STRN3: variants seen among roughly 807,000 people sequenced by gnomAD.
The protein encoded by STRN3 is striatin 3.
A neutral mutation model predicts 95.6 loss-of-function variants in STRN3; 29 were observed. The observed-to-expected ratio is 0.30, with a 90% CI of 0.23 to 0.41. The LOEUF (loss-of-function observed/expected upper bound fraction) is 0.41. STRN3 is among the 10% of genes least tolerant of loss of function. STRN3 has a pLI of 1.00. For synonymous variants in STRN3, 331 were observed against 357.6 expected (o/e 0.93, Z 0.84); for missense variants, 890 against 972.1 (o/e 0.92, Z 1.12).
chr14:30,991,294 C>A (rs1881942035), intron 1 of STRN3, among the ~76,000 whole-genome samples: 1 of 152,088 alleles, frequency 6.6e-6, no homozygotes, highest in Admixed American at 6.5e-5. Flanking sequence ...TTCCTTCAAC[C>A]TATGAGAAAC....
chr14:30,919,225 T>A, intron 8 of STRN3, 119 bp from the exon 9 acceptor site: 1 of 1,101,976 alleles, frequency 9.1e-7, no homozygotes, highest in Non-Finnish European at 1.2e-6. Flanking sequence ...TATTAAAATA[T>A]CAGAAAATTA....
At chr14:30,978,345 C>T (rs779191631) in intron 1 of STRN3, among the ~76,000 whole-genome samples, 5 of 151,870 alleles carry the variant, frequency 3.3e-5, no homozygotes, top group South Asian at 2.1e-4. Context: ...GTTAATATAA[C>T]GCATCATTAA....
intron 1 of STRN3, among the ~76,000 whole-genome samples, chr14:30,997,672 C>T (rs1490589106): frequency 1.3e-5 from 2 of 152,278 alleles, no homozygotes; most frequent in Admixed American, 6.5e-5. Context: ...TGAACTTCTT[C>T]GATGTCTCCT....
At chr14:30,954,752 T>C (rs888401637) in intron 3 of STRN3, among the ~76,000 whole-genome samples, 4 of 152,210 alleles carry the variant, frequency 2.6e-5, no homozygotes, top group Non-Finnish European at 5.9e-5. Flanking sequence ...CAAACTGTTA[T>C]ACTGGGACCA....
chr14:31,018,791 A>C, intron 1 of STRN3: 1 of 464,294 alleles, frequency 2.2e-6, no homozygotes, highest in South Asian at 1.6e-5. Context: ...GAAGCTCAAC[A>C]ACTTCAGAAC....
intron 15 of STRN3, among the ~76,000 whole-genome samples, chr14:30,903,031 C>T (rs1204620893): frequency 6.6e-6 from 1 of 152,036 alleles, no homozygotes; most frequent in Non-Finnish European, 1.5e-5. Flanking sequence ...GAACAACCCC[C>T]ATCTACCTAC....
chr14:30,912,319 G>T, intron 10 of STRN3, 137 bp from the exon 11 acceptor site: 1 of 728,984 alleles, frequency 1.4e-6, no homozygotes, highest in Non-Finnish European at 2.1e-6. Context: ...GAAATTTAAT[G>T]TACCTTTAAA....
rs551795702 is a variant in STRN3 at position 31,013,498 on chromosome 14, G to A, written c.282+12406C>T. On this transcript the variant is annotated intron_variant, in intron 1 of 17. Coordinates refer to ENST00000357479, the MANE Select transcript of STRN3 (RefSeq NM_001083893.2). ...AAAACACTAGAGAGGGACACACACA[G>A]ACTAAAAAAAAAGTAGTCGATTACT... is the stretch of plus-strand genomic sequence containing the variant. Among the ~76,000 whole-genome samples, 8 of 152,198 alleles carry A rather than the reference G, an allele frequency of 5.3e-5. No homozygotes were observed. The South Asian group carries it at 1.4e-3, about 28-fold the overall frequency.
intron 8 of STRN3, among the ~76,000 whole-genome samples, chr14:30,928,840 T>C (rs1878325418): frequency 6.6e-6 from 1 of 152,168 alleles, no homozygotes; most frequent in Non-Finnish European, 1.5e-5. Flanking sequence ...ATATGAGTTG[T>C]TTATAGCTAT....
chr14:30,986,831 TAAAG>T (rs746899610), intron 1 of STRN3, among the ~76,000 whole-genome samples: 2 of 152,232 alleles, frequency 1.3e-5, no homozygotes, highest in African/African-American at 2.4e-5. Context: ...ATGAAACTGT[TAAAG>T]GAAGGAAAGA....
At chr14:31,003,934 C>CTTAA (rs1489895534) in intron 1 of STRN3, among the ~76,000 whole-genome samples, 1 of 151,476 alleles carries the variant, frequency 6.6e-6, no homozygotes, top group Non-Finnish European at 1.5e-5. Context: ...CTCCCAGGCA[C>CTTAA]TTAAGCCCAG....
intron 16 of STRN3, among the ~76,000 whole-genome samples, chr14:30,898,398 T>C (rs866011539): frequency 6.6e-6 from 1 of 152,198 alleles, no homozygotes; most frequent in African/African-American, 2.4e-5. Context: ...GCTACACATT[T>C]CTTTAAGGAT....
intron 1 of STRN3, among the ~76,000 whole-genome samples, chr14:31,023,592 A>G (rs1883613610): frequency 6.6e-6 from 1 of 152,298 alleles, no homozygotes; most frequent in Admixed American, 6.5e-5. Flanking sequence ...ATGACAGTGC[A>G]CTGGAGACTG....
At chr14:30,957,675 G>A (rs534863026) in intron 1 of STRN3, among the ~76,000 whole-genome samples, 6 of 152,006 alleles carry the variant, frequency 3.9e-5, no homozygotes, top group Admixed American at 1.3e-4. Context: ...CTTATTTCCT[G>A]AAAAAAGCAA....
intron 5 of STRN3, among the ~76,000 whole-genome samples, chr14:30,939,762 A>G (rs745818305): frequency 2.0e-5 from 3 of 152,110 alleles, no homozygotes; most frequent in Admixed American, 6.6e-5. Context: ...TTTTTAAAGA[A>G]GCTTCCCTTT....
rs10667506 is a variant in STRN3, at chr14:30,992,078, T to TCAACAA, written c.282+33820_282+33825dup. Among the ~76,000 whole-genome samples the TCAACAA allele has an allele frequency of 8.0e-4, 121 of 151,672 alleles. No homozygotes were observed. In the East Asian group the frequency reaches 0.012, roughly 15 times the overall value. On this transcript the variant is annotated intron_variant, in intron 1 of 17. Coordinates refer to ENST00000357479, the MANE Select transcript of STRN3 (RefSeq NM_001083893.2). ...GTAGAGATAATAGTATATGGAAAAC[T>TCAACAA]CAACAACAACAACAACAACACAAAA...
At chr14:30,959,252 G>A (rs1167556741) in intron 1 of STRN3, among the ~76,000 whole-genome samples, 2 of 152,178 alleles carry the variant, frequency 1.3e-5, no homozygotes, top group African/African-American at 4.8e-5. Context: ...TTTGAGCGGA[G>A]GGGTCGAGGC....
intron 7 of STRN3, among the ~76,000 whole-genome samples, chr14:30,930,374 T>C (rs1166541147): frequency 6.6e-6 from 1 of 152,156 alleles, no homozygotes; most frequent in Non-Finnish European, 1.5e-5. Context: ...ACTGACTTAA[T>C]CTATAAAGTA....
At chr14:31,023,006 G>T (rs1048416590) in intron 1 of STRN3, among the ~76,000 whole-genome samples, 16 of 152,106 alleles carry the variant, frequency 1.1e-4, no homozygotes, top group African/African-American at 3.9e-4. Flanking sequence ...CATTTTCAGG[G>T]TTTTCAAAAG....
Sources: gnomAD v4.1 joint callset for allele counts (sites outside exome capture counted in the v4.1 genomes callset) on GRCh38, gnomAD v4.1.1 for gene constraint, MANE v1.5 for transcripts, NCBI Gene and HGNC (gene_info 2026-07-23, HGNC 2026-07-21) for gene names.